PLCB3: variants seen among roughly 807,000 people sequenced by gnomAD.
PLCB3 encodes phospholipase C beta 3, also known as 1-phosphatidylinositol 4,5-bisphosphate phosphodiesterase beta-3.
Under a neutral mutation model 152.1 loss-of-function variants are expected in PLCB3, and 54 were observed. That is an observed-to-expected ratio of 0.36 (90% CI 0.29 to 0.45). The LOEUF (loss-of-function observed/expected upper bound fraction) is 0.45. Ranked by LOEUF, PLCB3 falls within the 20% of genes least tolerant of loss-of-function variation. The pLI, the probability that PLCB3 is intolerant of heterozygous loss-of-function variation, is 1.00. For synonymous variants in PLCB3, 717 were observed against 698.7 expected (o/e 1.03, Z -0.41); for missense variants, 1,248 against 1,687.5 (o/e 0.74, Z 4.56).
intron 22 of PLCB3, among the ~76,000 whole-genome samples, 168 bp from the exon 23 acceptor site, chr11:64,264,783 A>C (rs1165150518): frequency 6.6e-6 from 1 of 152,098 alleles, no homozygotes; most frequent in Non-Finnish European, 1.5e-5. Context: ...GAAAGGCTTG[A>C]TTTATAGCTC....
In PLCB3 at chr11:64,251,574, G is replaced by T; in HGVS notation, c.-76G>T. On this transcript the variant is annotated 5_prime_UTR_variant, in exon 1 of 31. Transcript: ENST00000279230. ...CACTGACGCCGCGGGGCCGGAGCGG[G>T]CCGCGCGGTGGGAGCAGCGGCGCCG... 3.4e-6 allele frequency: 2 copies of T among 594,870 alleles called. No homozygotes were observed. Among genetic ancestry groups the T allele is most frequent in the Non-Finnish European group, 2.4e-6 (1 of 420,432 alleles). 36.8% of individuals were successfully genotyped at this position (594,870 alleles called of 1,614,324 possible).
At position 64,262,073 on chromosome 11, in the gene PLCB3, C is replaced by T. The variant is rs753709749; in HGVS notation, c.2035C>T (p.Leu679Phe). ...CQLVALNFQT[L>F]DVAMQLNAGV... ...GCTTGTTGCGCTCAACTTCCAGACCCTCGGTGAGCCCTGGCCCCCTCCATC... is the reference window on the plus strand; with the variant it reads ...GCTTGTTGCGCTCAACTTCCAGACCTTCGGTGAGCCCTGGCCCCCTCCATC... Residue 679 changes from leucine (L) to phenylalanine (F), a missense_variant, in exon 17 of 31, where the codon CTC becomes TTC. This residue lies in a region of PLCB3 where 244 missense variants were observed against 424.4 expected (regional missense o/e 0.57). Coordinates refer to ENST00000279230, the MANE Select transcript of PLCB3 (RefSeq NM_000932.5). 6.6e-5 allele frequency: 107 copies of T among 1,613,998 alleles called. No homozygotes were observed. Among genetic ancestry groups the T allele is most frequent in the Non-Finnish European group, 8.8e-5 (104 of 1,180,018 alleles).
Position 64,267,587 on chromosome 11 carries a change from G to T in PLCB3, c.*31G>T, listed in dbSNP as rs771857036. 3 of 1,506,712 alleles carry T rather than the reference G, an allele frequency of 2.0e-6. No individual in the cohort carries two copies. In the South Asian group the frequency reaches 3.6e-5, roughly 18 times the overall value. 93.3% of individuals were successfully genotyped at this position (1,506,712 alleles called of 1,614,324 possible). On this transcript the variant is annotated 3_prime_UTR_variant, in exon 31 of 31. Transcript: ENST00000279230. The surrounding 1 kb of genome is among the most constrained non-coding windows in gnomAD (Gnocchi z 5.2). ...CTGAGCGAGGTGGCCACAGGGCCAG[G>T]GCGGGCGCTGGGTGGAGGGCAGGAG...
chr11:64,256,664 G>A lies in PLCB3; in HGVS notation c.912G>A (p.Glu304=). 1 of 1,614,222 alleles carries A rather than the reference G, an allele frequency of 6.2e-7. No individual in the cohort carries two copies. The highest frequency in any genetic ancestry group is 8.5e-7 in the Non-Finnish European group (1 of 1,180,036). ...TTAGCCGCTACCTGGGAGGCGAGGAGAATGGCATCCTGCCCCTGGAAGCCC... is the reference window on the plus strand; with the variant it reads ...TTAGCCGCTACCTGGGAGGCGAGGAAAATGGCATCCTGCCCCTGGAAGCCC... ...EGFSRYLGGE[E]NGILPLEALD... The change falls in exon 10 of 31, where the codon GAG becomes GAA. Residue 304 remains glutamate (E), a synonymous_variant. Transcript: ENST00000279230.
At position 64,254,479 on chromosome 11, in the gene PLCB3, CG is replaced by C. The variant is rs1565329165; in HGVS notation, c.167del (p.Gly56AlafsTer48). On this transcript the variant is annotated frameshift_variant, in exon 2 of 31. Transcript: ENST00000279230. LOFTEE classifies it high-confidence loss of function. ...CCCAATGGCTTCTTCTTGTACTGGA[CG>C]GGCCCCAACATGGTGAGGGTGGGCG... Reference protein sequence around the residue: ...VDPNGFFLYWTGPNMEVDTLD... With the variant: ...VDPNGFFLYWXGPNMEVDTLD... 1 of 1,613,724 alleles carries C rather than the reference CG, an allele frequency of 6.2e-7. No homozygotes were observed. Among genetic ancestry groups the C allele is most frequent in the Non-Finnish European group, 8.5e-7 (1 of 1,179,836 alleles).
chr11:64,265,538 G>C, intron 25 of PLCB3, 36 bp downstream of exon 25: 1 of 1,566,566 alleles, frequency 6.4e-7, no homozygotes, highest in Non-Finnish European at 8.6e-7. Context: ...TATGTGTGCT[G>C]GGTGTGCTGA....
rs757994804 is a variant in PLCB3 at position 64,258,945 on chromosome 11, C to T, written c.1314C>T (p.Leu438=). Residue 438 remains leucine, a synonymous_variant, in exon 12 of 31, where the codon CTC becomes CTT. Transcript: ENST00000279230. The surrounding 1 kb of genome is among the most constrained non-coding windows in gnomAD (Gnocchi z 7.2). ...GCTCCATCTTTGGAGACGCGCTACT[C>T]ATCGAGCCTCTGGACAAGTACCCGG... The part of the protein sequence containing the change: ...YCRSIFGDAL[L]IEPLDKYPLA... The T allele has an allele frequency of 4.5e-5, 73 of 1,613,788 alleles. No individual in the cohort carries two copies. Among genetic ancestry groups the T allele is most frequent in the Non-Finnish European group, 5.8e-5 (68 of 1,180,010 alleles).
Position 64,256,313 on chromosome 11 carries a change from G to T in PLCB3, c.699-63G>T, listed in dbSNP as rs980022241. ...TCTGACTCCCTTGCCCAGGGCAAGG[G>T]CTTGGCGACGGGGTGGGAGCCCTGC... On this transcript the variant is annotated intron_variant, in intron 8 of 30. Transcript: ENST00000279230. The T allele has an allele frequency of 3.1e-5, 47 of 1,513,598 alleles. No individual in the cohort carries two copies. In the Admixed American group the frequency reaches 4.6e-4, roughly 15 times the overall value. 93.8% of individuals were successfully genotyped at this position (1,513,598 alleles called of 1,614,324 possible).
chr11:64,257,107 C>T (rs2031582569), intron 10 of PLCB3, among the ~76,000 whole-genome samples: 3 of 149,366 alleles, frequency 2.0e-5, no homozygotes, highest in Admixed American at 6.8e-5. Context: ...CAGGTTCAAG[C>T]GATTCTCCTG....
At chr11:64,254,538 TC>T in intron 2 of PLCB3, 46 bp downstream of exon 2, 1 of 1,574,238 alleles carries the variant, frequency 6.4e-7, no homozygotes, top group Non-Finnish European at 8.7e-7. Context: ...AGGACCCCTG[TC>T]CCAGACCCCT....
At chr11:64,259,975 T>G in intron 13 of PLCB3, 54 bp from the exon 14 acceptor site, 1 of 1,483,846 alleles carries the variant, frequency 6.7e-7, no homozygotes, top group Non-Finnish European at 9.3e-7. Flanking sequence ...CCTCCAGACT[T>G]CCTAAGCAGC....
In PLCB3 at chr11:64,265,209, A is replaced by G; in HGVS notation, c.2824A>G (p.Ile942Val). The G allele has an allele frequency of 6.3e-7, 1 of 1,588,626 alleles. No homozygotes were observed. The highest frequency in any genetic ancestry group is 2.3e-5 in the East Asian group (1 of 44,372). ...CTCCCCAGGGCAGCGTGATGATCTC[A>G]TCGCCAGCATCCTCTCAGGTAGGGG... is the stretch of plus-strand genomic sequence containing the variant. ...LSSPGQRDDL[I>V]ASILSEVAPT... Residue 942 changes from isoleucine to valine, a missense_variant, in exon 24 of 31, where the codon ATC becomes GTC. Physicochemically the swap from Ile to Val is conservative, Grantham distance 29 (BLOSUM62 3). Transcript: ENST00000279230.
At position 64,265,465 on chromosome 11, in the gene PLCB3, C is replaced by G; in HGVS notation, c.2998C>G (p.Gln1000Glu). 1 of 1,608,186 alleles carries G rather than the reference C, an allele frequency of 6.2e-7. No homozygotes were observed. Among genetic ancestry groups the G allele is most frequent in the Non-Finnish European group, 8.5e-7 (1 of 1,179,608 alleles). ...CCTGCTGGATGGCCTGGCTCAGGCA[C>G]AGGCTGAGGGCAGGTGCCGGCTGCG... is the stretch of plus-strand genomic sequence containing the variant. ...RRLLDGLAQA[Q>E]AEGRCRLRPG... Residue 1000 changes from glutamine (Q) to glutamate (E), a missense_variant, in exon 25 of 31, where the codon CAG becomes GAG. Coordinates refer to ENST00000279230, the MANE Select transcript of PLCB3 (RefSeq NM_000932.5).
In PLCB3 at chr11:64,266,607, C is replaced by T. The variant is rs919582544; in HGVS notation, c.3414+55C>T. The T allele has an allele frequency of 2.2e-5, 34 of 1,541,892 alleles. No individual in the cohort carries two copies. In the East Asian group the frequency reaches 7.4e-4, roughly 34 times the overall value. ...CACCTCCCTTCCTTCACTCATCAGA[C>T]ACCCATCTCCATGCCTGGCCTGGTG... On this transcript the variant is annotated intron_variant, in intron 29 of 30. Transcript: ENST00000279230. The surrounding 1 kb of genome is among the most constrained non-coding windows in gnomAD (Gnocchi z 4.9).
rs918106976 is a variant in PLCB3 at position 64,267,821 on chromosome 11, G to T, written c.*265G>T. On this transcript the variant is annotated 3_prime_UTR_variant, in exon 31 of 31. Transcript: ENST00000279230. The surrounding 1 kb of genome is among the most constrained non-coding windows in gnomAD (Gnocchi z 5.2). ...GCTAGCAGCGTCTCCTCCCTTCCCC[G>T]GGAGAGCTGGCTGGAGACTTGGAGC... 4.6e-6 allele frequency: 2 copies of T among 436,332 alleles called. No homozygotes were observed. The highest frequency in any genetic ancestry group is 8.1e-6 in the Non-Finnish European group (2 of 246,192). 27.0% of individuals were successfully genotyped at this position (436,332 alleles called of 1,614,324 possible).
intron 17 of PLCB3, 98 bp downstream of exon 17, chr11:64,262,174 G>C: frequency 1.3e-6 from 2 of 1,538,188 alleles, no homozygotes; most frequent in Admixed American, 1.7e-5. Flanking sequence ...CTCTGACCCT[G>C]TCTCATCCCA....
chr11:64,260,090 G>C lies in PLCB3; in HGVS notation c.1587G>C (p.Lys529Asn), dbSNP rs776490341. The C allele has an allele frequency of 3.3e-5, 54 of 1,612,082 alleles. No homozygotes were observed. The highest frequency in any genetic ancestry group is 5.1e-5 in the Admixed American group (3 of 59,362). ...ATGGGGAGGAGGTAGGGCTTGAGAA[G>C]CCCAGCCTGGAGCCTCAGAAGTCTC... Reference protein sequence around the residue: ...LSNGEEVGLEKPSLEPQKSLG... With the variant: ...LSNGEEVGLENPSLEPQKSLG... The change falls in exon 14 of 31, where the codon AAG becomes AAC. Residue 529 changes from lysine (K) to asparagine (N), a missense_variant. Coordinates refer to ENST00000279230, the MANE Select transcript of PLCB3 (RefSeq NM_000932.5).
intron 14 of PLCB3, among the ~76,000 whole-genome samples, chr11:64,261,116 C>T (rs2031825522): frequency 6.6e-6 from 1 of 152,028 alleles, no homozygotes; most frequent in South Asian, 2.1e-4. Context: ...ACCAGCCTGG[C>T]CAACATGGTG....
intron 21 of PLCB3, 48 bp downstream of exon 21, chr11:64,263,843 C>G: frequency 4.7e-6 from 7 of 1,487,284 alleles, no homozygotes; most frequent in Non-Finnish European, 6.6e-6. Flanking sequence ...GTGTGAGGGA[C>G]AAGGGCCACC....
Sources: gnomAD v4.1 joint callset for allele counts (sites outside exome capture counted in the v4.1 genomes callset) on GRCh38, gnomAD v4.1.1 for gene constraint, gnomAD v4.1.1 regional missense constraint, Gnocchi (gnomAD v3.1) non-coding constraint, MANE v1.5 for transcripts, NCBI Gene and HGNC (gene_info 2026-07-23, HGNC 2026-07-21) for gene names.